Variants in SUCLA2 observed in about 807,000 individuals in gnomAD.
The protein encoded by SUCLA2 is succinate--CoA ligase [ADP-forming] subunit beta, mitochondrial.
SUCLA2 carries 30 observed loss-of-function variants against 54.8 expected under a neutral mutation model. That is an observed-to-expected ratio of 0.55 (90% CI 0.41 to 0.74). The LOEUF (loss-of-function observed/expected upper bound fraction) is 0.74. Ranked by LOEUF, SUCLA2 falls within the 30% of genes least tolerant of loss-of-function variation. The pLI is 0.00. For synonymous variants in SUCLA2, 172 were observed against 188.9 expected (o/e 0.91, Z 0.74); for missense variants, 476 against 562.9 (o/e 0.85, Z 1.56).
chr13:47,969,969 A>C (rs1185878370), intron 5 of SUCLA2, among the ~76,000 whole-genome samples: 1 of 151,766 alleles, frequency 6.6e-6, no homozygotes, highest in Non-Finnish European at 1.5e-5. Flanking sequence ...AGGTGTGGTG[A>C]CGCATGCCTG....
Position 48,001,181 on chromosome 13 carries a change from T to C in SUCLA2, c.89A>G (p.Gln30Arg), listed in dbSNP as rs1779395686. 14 of 1,608,748 alleles carry C rather than the reference T, an allele frequency of 8.7e-6. No homozygotes were observed. The highest frequency in any genetic ancestry group is 1.2e-5 in the Non-Finnish European group (14 of 1,178,178). ...CGACAGCGGACTGGAAGGCATTACC[T>C]GAGCAGCAGCCCGCTGGGCCGTCCG... is the stretch of plus-strand genomic sequence containing the variant. ...RPRTAQRAAA[Q>R]VLGSSGLFNN... Residue 30 changes from glutamine to arginine, a missense_variant and splice_region_variant, in exon 1 of 11, where the codon CAG becomes CGG. By Grantham distance (43) the Gln-to-Arg change is conservative (BLOSUM62 1). This residue lies in a region of SUCLA2 where 134 missense variants were observed against 118.7 expected (regional missense o/e 1.13). Transcript: ENST00000646932.
Position 48,000,086 on chromosome 13 carries a change from C to G in SUCLA2, c.90+1094G>C, listed in dbSNP as rs538793706. ...AGTCACTTCTATCGGGAAGCAAACT[C>G]ACAGAACTCACTACCCCTAGGCTGA... is the stretch of plus-strand genomic sequence containing the variant. On this transcript the variant is annotated intron_variant, in intron 1 of 10. Coordinates refer to ENST00000646932, the MANE Select transcript of SUCLA2 (RefSeq NM_003850.3). Among the ~76,000 whole-genome samples the G allele has an allele frequency of 3.4e-5, 5 of 149,150 alleles. No individual in the cohort carries two copies. The South Asian group carries it at 1.1e-3, about 31-fold the overall frequency.
intron 6 of SUCLA2, among the ~76,000 whole-genome samples, chr13:47,968,059 C>T (rs541125002): frequency 6.6e-5 from 10 of 152,124 alleles, no homozygotes; most frequent in Non-Finnish European, 1.2e-4. Context: ...AAGAAAGATG[C>T]AAAATGTATA....
At chr13:47,945,314 T>G (rs376485163) in intron 10 of SUCLA2, among the ~76,000 whole-genome samples, 3 of 140,088 alleles carry the variant, frequency 2.1e-5, no homozygotes, top group South Asian at 4.5e-4. Context: ...TCTCAGCTAC[T>G]CAGAAGGCTG....
chr13:47,975,402 T>C (rs775738455), intron 4 of SUCLA2, among the ~76,000 whole-genome samples: 3 of 151,954 alleles, frequency 2.0e-5, no homozygotes, highest in Non-Finnish European at 4.4e-5. Flanking sequence ...CTTAGGTGAT[T>C]CACCTCCCAA....
At chr13:47,958,929 C>G (rs2137700633) in intron 6 of SUCLA2, among the ~76,000 whole-genome samples, 1 of 152,198 alleles carries the variant, frequency 6.6e-6, no homozygotes, top group East Asian at 1.9e-4. Flanking sequence ...AGGTAAACTT[C>G]TTGTGTAATT....
chr13:47,992,382 C>T (rs1312442641), intron 2 of SUCLA2, among the ~76,000 whole-genome samples: 3 of 48,548 alleles, frequency 6.2e-5, no homozygotes, highest in South Asian at 6.1e-4. Flanking sequence ...CCCTTCACAA[C>T]GAAAGCAAAA....
At chr13:47,983,488 CCTTT>C (rs1365406769) in intron 4 of SUCLA2, among the ~76,000 whole-genome samples, 1 of 87,844 alleles carries the variant, frequency 1.1e-5, no homozygotes, top group Non-Finnish European at 2.1e-5. Context: ...TTTTCTTTTC[CCTTT>C]TTTTTTTTTT....
At chr13:47,988,852 G>T (rs746829571) in intron 3 of SUCLA2, 30 bp downstream of exon 3, 1 of 1,596,518 alleles carries the variant, frequency 6.3e-7, no homozygotes, top group Admixed American at 1.7e-5. Context: ...CTTTAACAAG[G>T]ATGATTTTTC....
intron 6 of SUCLA2, among the ~76,000 whole-genome samples, chr13:47,964,634 G>A (rs763993501): frequency 6.6e-6 from 1 of 152,150 alleles, no homozygotes; most frequent in Non-Finnish European, 1.5e-5. Context: ...AAGGCGGGCG[G>A]ATCACAAGGC....
intron 5 of SUCLA2, among the ~76,000 whole-genome samples, chr13:47,971,223 C>A (rs1456961096): frequency 6.6e-6 from 1 of 151,976 alleles, no homozygotes; most frequent in Non-Finnish European, 1.5e-5. Context: ...GAGCAGCCTG[C>A]CAATATGGTG....
At chr13:47,994,118 A>T (rs1386638660) in intron 2 of SUCLA2, among the ~76,000 whole-genome samples, 2 of 152,152 alleles carry the variant, frequency 1.3e-5, no homozygotes, top group Admixed American at 1.3e-4. Flanking sequence ...TTTTGCAGAA[A>T]GTCAAAAAGC....
intron 6 of SUCLA2, among the ~76,000 whole-genome samples, chr13:47,964,553 A>C (rs1157060295): frequency 1.3e-5 from 2 of 152,210 alleles, no homozygotes; most frequent in African/African-American, 4.8e-5. Context: ...GGGTATATAC[A>C]GCTAAATAAG....
chr13:47,943,188 G>C lies in SUCLA2; in HGVS notation c.*183C>G. On this transcript the variant is annotated 3_prime_UTR_variant, in exon 11 of 11. Transcript: ENST00000646932. Reference sequence around the variant, plus strand: ...AAGATAACTGCATTATACATGCTTCGTACAAACAGTCCATTCTGAATGGTA... The same window carrying C: ...AAGATAACTGCATTATACATGCTTCCTACAAACAGTCCATTCTGAATGGTA... The C allele has an allele frequency of 4.5e-6, 3 of 662,254 alleles. No individual in the cohort carries two copies. The highest frequency in any genetic ancestry group is 8.2e-6 in the Non-Finnish European group (3 of 367,854). The allele number at this position is 662,254 out of a possible 1,614,324, so 41.0% of individuals were successfully genotyped here.
At chr13:47,956,865 T>A (rs886630796) in intron 6 of SUCLA2, 6 of 152,214 alleles carry the variant, frequency 3.9e-5, no homozygotes, top group African/African-American at 4.8e-5. Flanking sequence ...GTGCCAATGT[T>A]GGTAAATCTT....
intron 4 of SUCLA2, among the ~76,000 whole-genome samples, chr13:47,980,561 C>T (rs1950052594): frequency 6.6e-6 from 1 of 151,962 alleles, no homozygotes; most frequent in South Asian, 2.1e-4. Context: ...CTATCAAAAT[C>T]CCAATGGCTT....
At chr13:47,992,567 A>G (rs1346651582) in intron 2 of SUCLA2, among the ~76,000 whole-genome samples, 1 of 152,228 alleles carries the variant, frequency 6.6e-6, no homozygotes, top group Non-Finnish European at 1.5e-5. Context: ...CGTTGTAGAT[A>G]CAACAGTGAG....
intron 5 of SUCLA2, 40 bp from the exon 6 acceptor site, chr13:47,968,773 A>C: frequency 1.2e-6 from 2 of 1,602,828 alleles, no homozygotes; most frequent in Non-Finnish European, 8.5e-7. Flanking sequence ...TAGTTTGCAT[A>C]TGTCTAATCA....
At chr13:47,972,452 T>A (rs1391769507) in intron 5 of SUCLA2, among the ~76,000 whole-genome samples, 1 of 151,834 alleles carries the variant, frequency 6.6e-6, no homozygotes, top group African/African-American at 2.4e-5. Flanking sequence ...GTGGATCACC[T>A]GAGGTCAGGA....
Sources: allele counts gnomAD v4.1 joint callset (sites outside exome capture counted in the v4.1 genomes callset), GRCh38; gene constraint gnomAD v4.1.1; regional missense constraint gnomAD v4.1.1; transcripts MANE v1.5; gene names NCBI Gene and HGNC (gene_info 2026-07-23, HGNC 2026-07-21).